Variants in ADK observed in about 807,000 individuals in gnomAD.
The protein encoded by ADK is adenosine kinase, also known as N6,N6-dimethyladenosine kinase.
In ADK, 24 loss-of-function variants were observed where a neutral mutation model predicts 44.7. The ratio of observed to expected loss-of-function variants is 0.54; its 90% CI spans 0.39 to 0.76. The LOEUF is 0.76. Among genes scored for constraint, ADK ranks in the 30% least tolerant of loss-of-function variants. The probability of loss-of-function intolerance (pLI) is 0.00; values close to 1 mark genes in which losing one functional copy is unlikely to be tolerated. For synonymous variants in ADK, 128 were observed against 142.6 expected, an observed-to-expected ratio of 0.90 and a Z score of 0.73; for missense variants, 321 against 425.1, an observed-to-expected ratio of 0.76 and a Z score of 2.15.
chr10:74,431,759 A>ATCAG (rs1306834941), intron 6 of ADK, among the ~76,000 whole-genome samples: 1 of 151,748 alleles, frequency 6.6e-6, no homozygotes, highest in Non-Finnish European at 1.5e-5. Flanking sequence ...CAATCAATCA[A>ATCAG]TCAGTAAGAT....
chr10:74,322,186 C>G (rs1256247609), intron 4 of ADK, among the ~76,000 whole-genome samples: 1 of 152,266 alleles, frequency 6.6e-6, no homozygotes, highest in African/African-American at 2.4e-5. Context: ...TACTTCTGTG[C>G]ATCGGAACAG....
chr10:74,273,701 A>C (rs1387381447), intron 3 of ADK, among the ~76,000 whole-genome samples: 1 of 151,462 alleles, frequency 6.6e-6, no homozygotes, highest in Non-Finnish European at 1.5e-5. Context: ...CAGGTGATCC[A>C]CCCGCCTCGG....
chr10:74,658,825 T>C (rs1239502284), intron 9 of ADK, among the ~76,000 whole-genome samples: 1 of 152,106 alleles, frequency 6.6e-6, no homozygotes, highest in Non-Finnish European at 1.5e-5. Flanking sequence ...ATTAAAGTGA[T>C]ATGCTTCATT....
chr10:74,282,276 A>G (rs754746599), intron 3 of ADK, among the ~76,000 whole-genome samples: 8 of 152,334 alleles, frequency 5.3e-5, no homozygotes, highest in Non-Finnish European at 1.2e-4. Context: ...AGGATGTTTA[A>G]GATTTCACAT....
chr10:74,247,708 A>G (rs996733995), intron 3 of ADK, among the ~76,000 whole-genome samples: 3 of 152,162 alleles, frequency 2.0e-5, no homozygotes, highest in Non-Finnish European at 4.4e-5. Context: ...AACTCAAAAA[A>G]TGTCTAGAAA....
At chr10:74,602,519 T>A (rs533827933) in intron 9 of ADK, among the ~76,000 whole-genome samples, 3 of 152,264 alleles carry the variant, frequency 2.0e-5, no homozygotes, top group African/African-American at 7.2e-5. Flanking sequence ...AAATTGAAAA[T>A]TAACCTCCCC....
intron 4 of ADK, among the ~76,000 whole-genome samples, chr10:74,379,736 G>A (rs1391772093): frequency 6.6e-6 from 1 of 152,126 alleles, no homozygotes; most frequent in African/African-American, 2.4e-5. Flanking sequence ...ATGTCCTTTT[G>A]TCTATTTAAA....
chr10:74,674,080 G>A (rs1312240610), intron 10 of ADK, among the ~76,000 whole-genome samples: 1 of 152,116 alleles, frequency 6.6e-6, no homozygotes, highest in East Asian at 1.9e-4. Context: ...ATTTGAGCAG[G>A]AAAACAAGGA....
At chr10:74,493,650 T>C (rs1307831476) in intron 6 of ADK, among the ~76,000 whole-genome samples, 1 of 151,932 alleles carries the variant, frequency 6.6e-6, no homozygotes, top group Non-Finnish European at 1.5e-5. Context: ...TCCCAAATAA[T>C]ACATTGATTT....
chr10:74,305,398 T>C (rs1174238266), intron 3 of ADK, among the ~76,000 whole-genome samples: 1 of 152,176 alleles, frequency 6.6e-6, no homozygotes, highest in Non-Finnish European at 1.5e-5. Context: ...CAAATTGATC[T>C]TATATGTCTG....
Position 74,633,229 on chromosome 10 carries a change from C to A in ADK, c.877+32736C>A, listed in dbSNP as rs545244312. The stretch of plus-strand genomic sequence containing the variant: ...CCTTTCCCAGAGTGAACCAATGCTT[C>A]CACTGAATGTCAGCTATACACATTG... On this transcript the variant is annotated intron_variant, in intron 9 of 10. Coordinates refer to ENST00000539909, the MANE Select transcript of ADK (RefSeq NM_006721.4). 9.6e-4 allele frequency among the ~76,000 whole-genome samples: 146 copies of A among 152,316 alleles called. 1 individual carries two copies. The highest frequency in any genetic ancestry group is 3.4e-3 in the Middle Eastern group (1 of 294).
chr10:74,300,132 C>T (rs1278504403), intron 3 of ADK, among the ~76,000 whole-genome samples: 1 of 151,646 alleles, frequency 6.6e-6, no homozygotes, highest in Non-Finnish European at 1.5e-5. Context: ...GATCCTCCTG[C>T]CTCAAGCTCC....
chr10:74,621,470 T>C (rs2134028954), intron 9 of ADK, among the ~76,000 whole-genome samples: 1 of 152,328 alleles, frequency 6.6e-6, no homozygotes, highest in Non-Finnish European at 1.5e-5. Context: ...TTGGTTACTA[T>C]AGCTTTGTCA....
At chr10:74,153,254 G>T (rs1051973352) in intron 1 of ADK, among the ~76,000 whole-genome samples, 6 of 152,136 alleles carry the variant, frequency 3.9e-5, no homozygotes, top group Admixed American at 3.9e-4. Flanking sequence ...GGGAAATTTT[G>T]CCCTCCAGGG....
At chr10:74,635,173 A>T (rs1853582455) in intron 9 of ADK, among the ~76,000 whole-genome samples, 1 of 152,246 alleles carries the variant, frequency 6.6e-6, no homozygotes, top group South Asian at 2.1e-4. Flanking sequence ...ATACAAAGAA[A>T]ACCACACCTA....
At chr10:74,346,780 G>A (rs910174631) in intron 4 of ADK, among the ~76,000 whole-genome samples, 1 of 152,012 alleles carries the variant, frequency 6.6e-6, no homozygotes, top group Non-Finnish European at 1.5e-5. Flanking sequence ...GGAGTCAGGA[G>A]CCTCACAAAT....
intron 9 of ADK, among the ~76,000 whole-genome samples, chr10:74,653,318 G>A (rs755888545): frequency 6.6e-6 from 1 of 152,086 alleles, no homozygotes; most frequent in Admixed American, 6.5e-5. Flanking sequence ...TGGGCTTGGT[G>A]GTGGGCACTT....
chr10:74,351,942 C>G (rs1372870310), intron 4 of ADK, among the ~76,000 whole-genome samples: 1 of 151,960 alleles, frequency 6.6e-6, no homozygotes, highest in Non-Finnish European at 1.5e-5. Context: ...AAAAAAAATT[C>G]AGTGTTCATG....
In ADK at chr10:74,151,224, A is replaced by G; in HGVS notation, c.-55A>G. The G allele has an allele frequency of 1.9e-6, 3 of 1,538,568 alleles. No individual in the cohort carries two copies. The highest frequency in any genetic ancestry group is 1.8e-6 in the Non-Finnish European group (2 of 1,136,858). On this transcript the variant is annotated 5_prime_UTR_variant, in exon 1 of 11. Transcript: ENST00000539909. ...GGTGATGCGAAGAGGGGGCGGGACC[A>G]GAGAGTGGATGGCAGAGGTGGGCTG...
Sources: gnomAD v4.1 joint callset for allele counts (sites outside exome capture counted in the v4.1 genomes callset) on GRCh38, gnomAD v4.1.1 for gene constraint, MANE v1.5 for transcripts, NCBI Gene and HGNC (gene_info 2026-07-23, HGNC 2026-07-21) for gene names.